Variants in SH3PXD2A observed in about 807,000 individuals in gnomAD.
The protein encoded by SH3PXD2A is SH3 and PX domains 2A, also known as SH3 and PX domain-containing protein 2A.
SH3PXD2A carries 32 observed loss-of-function variants against 115.2 expected under a neutral mutation model. That is an observed-to-expected ratio of 0.28 (90% CI 0.21 to 0.37). The LOEUF (loss-of-function observed/expected upper bound fraction) is 0.37, where lower values mean the gene tolerates loss of function less well. SH3PXD2A is among the 10% of genes least tolerant of loss of function. The pLI, the probability that SH3PXD2A is intolerant of heterozygous loss-of-function variation, is 1.00. For synonymous variants in SH3PXD2A, 610 were observed against 629.1 expected (o/e 0.97, Z 0.45); for missense variants, 1,328 against 1,498.7 (o/e 0.89, Z 1.88).
chr10:103,783,288 C>T (rs562442872), intron 2 of SH3PXD2A, among the ~76,000 whole-genome samples: 1 of 152,266 alleles, frequency 6.6e-6, no homozygotes, highest in Admixed American at 6.5e-5. Flanking sequence ...TTTAGGAGGG[C>T]TCTGATTCGT....
chr10:103,745,864 T>C (rs1177500470), intron 3 of SH3PXD2A: 3 of 152,236 alleles, frequency 2.0e-5, no homozygotes, highest in Non-Finnish European at 4.4e-5. Context: ...AGGAGGCCAA[T>C]TGTTCATTCC....
At chr10:103,691,336 G>A (rs963808790) in intron 6 of SH3PXD2A, among the ~76,000 whole-genome samples, 8 of 152,068 alleles carry the variant, frequency 5.3e-5, no homozygotes, top group African/African-American at 1.9e-4. Flanking sequence ...TAGCATTTTT[G>A]TTTTAAAGAA....
intron 12 of SH3PXD2A, among the ~76,000 whole-genome samples, chr10:103,612,085 C>T (rs1210526684): frequency 6.6e-6 from 1 of 152,174 alleles, no homozygotes; most frequent in African/African-American, 2.4e-5. Context: ...CTAACTTAAC[C>T]CAGTGGAGCT....
chr10:103,832,405 C>G (rs966915876), intron 1 of SH3PXD2A, among the ~76,000 whole-genome samples: 1 of 149,566 alleles, frequency 6.7e-6, no homozygotes, highest in African/African-American at 2.5e-5. Flanking sequence ...CAAGGTTCAA[C>G]CAGCTGATCT....
chr10:103,665,310 C>A lies in SH3PXD2A; in HGVS notation c.472+3298G>T, dbSNP rs1170442380. 6.6e-6 allele frequency among the ~76,000 whole-genome samples: 1 copy of A among 152,108 alleles called. No homozygotes were observed. Among genetic ancestry groups the A allele is most frequent in the Non-Finnish European group, 1.5e-5 (1 of 68,032 alleles). On this transcript the variant is annotated intron_variant, in intron 7 of 14. Coordinates refer to ENST00000369774, the MANE Select transcript of SH3PXD2A (RefSeq NM_001394015.1). This position sits in a 1 kb window ranked among gnomAD's most constrained non-coding sequence, Gnocchi z 4.0. ...AGACATCAGCTCATTTTAATCCAAG[C>A]CAAGAAAATCTGAGGCAGGGTTTCA... is the stretch of plus-strand genomic sequence containing the variant.
intron 1 of SH3PXD2A, among the ~76,000 whole-genome samples, chr10:103,838,023 A>C (rs535672398): frequency 2.0e-5 from 3 of 152,206 alleles, no homozygotes; most frequent in Admixed American, 6.5e-5. Context: ...CCAACCAACA[A>C]GGGAGGCATG....
chr10:103,634,912 A>G (rs1229621292), intron 8 of SH3PXD2A, among the ~76,000 whole-genome samples: 1 of 152,002 alleles, frequency 6.6e-6, no homozygotes, highest in Non-Finnish European at 1.5e-5. Context: ...TGTTGAGGGG[A>G]ATAAAGGAGA....
chr10:103,830,742 T>C (rs2039475391), intron 1 of SH3PXD2A, among the ~76,000 whole-genome samples: 2 of 152,110 alleles, frequency 1.3e-5, no homozygotes. Context: ...ACAAAATCAA[T>C]AGCATAACAC....
At chr10:103,717,671 T>A (rs926935253) in intron 5 of SH3PXD2A, among the ~76,000 whole-genome samples, 9 of 152,238 alleles carry the variant, frequency 5.9e-5, no homozygotes, top group Non-Finnish European at 1.3e-4. Flanking sequence ...CAAAGACTTT[T>A]AGATTCCTTA....
intron 5 of SH3PXD2A, 131 bp from the exon 6 acceptor site, chr10:103,693,187 GC>G (rs1433917643): frequency 2.8e-5 from 12 of 426,732 alleles, no homozygotes; most frequent in Non-Finnish European, 3.5e-5. Flanking sequence ...CCCACGGCCG[GC>G]TAGCCGCGCG....
At chr10:103,740,244 C>T (rs181095181) in intron 3 of SH3PXD2A, among the ~76,000 whole-genome samples, 1 of 152,272 alleles carries the variant, frequency 6.6e-6, no homozygotes, top group Non-Finnish European at 1.5e-5. Flanking sequence ...AAGGACCTGT[C>T]CAAAGTCACA....
At chr10:103,727,794 G>C (rs2038259817) in intron 4 of SH3PXD2A, among the ~76,000 whole-genome samples, 1 of 152,244 alleles carries the variant, frequency 6.6e-6, no homozygotes, top group African/African-American at 2.4e-5. Context: ...GAGCCCTGAG[G>C]GGAGCCGCGT....
chr10:103,752,543 T>C (rs769622727), intron 3 of SH3PXD2A, among the ~76,000 whole-genome samples: 4 of 152,188 alleles, frequency 2.6e-5, no homozygotes, highest in Non-Finnish European at 5.9e-5. Flanking sequence ...TTGGAGAAAC[T>C]GCTGTCATGC....
chr10:103,602,321 A>G lies in SH3PXD2A; in HGVS notation c.2897T>C (p.Val966Ala), dbSNP rs2036229253. Reference protein sequence around the residue: ...GFGKTSGTPAVKMRNGVRQVA... With the variant: ...GFGKTSGTPAAKMRNGVRQVA... Reference sequence around the variant, plus strand: ...CTGCCGCACTCCGTTCCTCATCTTCACCGCTGGAGTGCCTGAGGTCTTGCC... The same window carrying G: ...CTGCCGCACTCCGTTCCTCATCTTCGCCGCTGGAGTGCCTGAGGTCTTGCC... The change falls in exon 15 of 15, where the codon GTG (valine) becomes GCG (alanine). Residue 966 changes from valine to alanine, a missense_variant. Coordinates refer to ENST00000369774, the MANE Select transcript of SH3PXD2A (RefSeq NM_001394015.1). 3 of 1,613,562 alleles carry G rather than the reference A, an allele frequency of 1.9e-6. No individual in the cohort carries two copies. The highest frequency in any genetic ancestry group is 2.2e-5 in the East Asian group (1 of 44,866).
At chr10:103,824,562 T>C (rs1474332107) in intron 1 of SH3PXD2A, among the ~76,000 whole-genome samples, 1 of 152,100 alleles carries the variant, frequency 6.6e-6, no homozygotes, top group East Asian at 1.9e-4. Context: ...ACAGAGAACA[T>C]ATCAAAATCC....
intron 2 of SH3PXD2A, among the ~76,000 whole-genome samples, chr10:103,790,420 CT>C (rs1419247751): frequency 6.6e-6 from 1 of 152,108 alleles, no homozygotes; most frequent in East Asian, 1.9e-4. Context: ...TCCCAAAATG[CT>C]GGGATTACAG....
At chr10:103,822,976 G>T (rs1291383656) in intron 1 of SH3PXD2A, among the ~76,000 whole-genome samples, 1 of 152,216 alleles carries the variant, frequency 6.6e-6, no homozygotes, top group African/African-American at 2.4e-5. Context: ...TGAGGAAATA[G>T]ATAGGTCTCA....
chr10:103,772,597 C>T (rs941406108), intron 2 of SH3PXD2A, among the ~76,000 whole-genome samples: 10 of 152,346 alleles, frequency 6.6e-5, no homozygotes, highest in African/African-American at 2.4e-4. Context: ...GGCTGTTTAT[C>T]TAAAGGGTGG....
chr10:103,661,841 G>C (rs2037309878), intron 7 of SH3PXD2A: 2 of 984,944 alleles, frequency 2.0e-6, no homozygotes, highest in Non-Finnish European at 2.4e-6. Flanking sequence ...GGGGGAGGAG[G>C]CCTAGACTGT....
Sources: gnomAD v4.1 joint callset for allele counts (sites outside exome capture counted in the v4.1 genomes callset) on GRCh38, gnomAD v4.1.1 for gene constraint, Gnocchi (gnomAD v3.1) non-coding constraint, MANE v1.5 for transcripts, NCBI Gene and HGNC (gene_info 2026-07-23, HGNC 2026-07-21) for gene names.